Variants in RPS6KA5 observed in about 807,000 individuals in gnomAD.
RPS6KA5 encodes the protein ribosomal protein S6 kinase A5.
Under a neutral mutation model 85.5 loss-of-function variants are expected in RPS6KA5, and 27 were observed. The ratio of observed to expected loss-of-function variants is 0.32; its 90% CI spans 0.23 to 0.44. The LOEUF (loss-of-function observed/expected upper bound fraction) is 0.44. Among genes scored for constraint, RPS6KA5 ranks in the 20% least tolerant of loss-of-function variants. The pLI, the probability that RPS6KA5 is intolerant of heterozygous loss-of-function variation, is 1.00. For synonymous variants in RPS6KA5, 334 were observed against 348.2 expected, an observed-to-expected ratio of 0.96 and a Z score of 0.46; for missense variants, 811 against 980.9, an observed-to-expected ratio of 0.83 and a Z score of 2.31.
At chr14:90,949,903 T>C (rs1392774598) in intron 3 of RPS6KA5, among the ~76,000 whole-genome samples, 2 of 152,242 alleles carry the variant, frequency 1.3e-5, no homozygotes, top group South Asian at 2.1e-4. Flanking sequence ...TTGGGATGGA[T>C]TGACTTGACA....
At chr14:90,889,417 A>C (rs372751697) in intron 14 of RPS6KA5, among the ~76,000 whole-genome samples, 1 of 152,136 alleles carries the variant, frequency 6.6e-6, no homozygotes, top group African/African-American at 2.4e-5. Context: ...TCACAATGGG[A>C]TATCATTTCA....
chr14:90,915,831 A>AAAT, intron 7 of RPS6KA5, among the ~76,000 whole-genome samples: 1 of 151,568 alleles, frequency 6.6e-6, no homozygotes, highest in African/African-American at 2.4e-5. Flanking sequence ...ATAAATAAAT[A>AAAT]AAATAAATTT....
At chr14:91,060,071 G>A (rs2043579012) in intron 1 of RPS6KA5, 2 of 985,304 alleles carry the variant, frequency 2.0e-6, no homozygotes, top group African/African-American at 1.7e-5. Context: ...CACGGGCAGC[G>A]GTCGGCGGCT....
intron 5 of RPS6KA5, among the ~76,000 whole-genome samples, chr14:90,925,632 T>C (rs1367986323): frequency 1.3e-5 from 2 of 151,988 alleles, no homozygotes; most frequent in Non-Finnish European, 2.9e-5. Context: ...ATAAGTGAAC[T>C]AGACTCCACA....
chr14:91,057,483 A>C (rs534383536), intron 1 of RPS6KA5, among the ~76,000 whole-genome samples: 1 of 152,008 alleles, frequency 6.6e-6, no homozygotes, highest in East Asian at 1.9e-4. Context: ...CTTACAGTCT[A>C]ATCTGTATTA....
chr14:90,930,135 G>C (rs150528120), intron 5 of RPS6KA5, among the ~76,000 whole-genome samples: 50 of 152,292 alleles, frequency 3.3e-4, no homozygotes, highest in African/African-American at 1.1e-3. Flanking sequence ...GCTTCCCAAA[G>C]TGCTGAGATT....
chr14:91,005,014 CACCCTGAAAAGTTTCTGTTCCATT>C (rs1441943249), intron 1 of RPS6KA5, among the ~76,000 whole-genome samples: 2 of 151,932 alleles, frequency 1.3e-5, no homozygotes, highest in Admixed American at 6.6e-5. Flanking sequence ...ACAGTTCCAT[CACCCTGAAAAGTTTCTGTTCCATT>C]ACCCTGAAAA....
At chr14:90,910,218 T>G (rs2035730191) in intron 7 of RPS6KA5, among the ~76,000 whole-genome samples, 2 of 152,164 alleles carry the variant, frequency 1.3e-5, no homozygotes, top group African/African-American at 4.8e-5. Context: ...CCAAATGGAT[T>G]GAGGAACGGC....
intron 14 of RPS6KA5, among the ~76,000 whole-genome samples, chr14:90,879,265 G>A (rs1230119827): frequency 2.7e-5 from 4 of 145,470 alleles, no homozygotes; most frequent in South Asian, 2.2e-4. Flanking sequence ...AGTAAATAAC[G>A]TGCTTACACA....
At chr14:90,962,582 C>T (rs549173667) in intron 3 of RPS6KA5, among the ~76,000 whole-genome samples, 7 of 150,332 alleles carry the variant, frequency 4.7e-5, no homozygotes, top group Admixed American at 1.3e-4. Context: ...CCACCATGCC[C>T]GGCCTAGATT....
intron 8 of RPS6KA5, among the ~76,000 whole-genome samples, chr14:90,904,502 C>T (rs893466518): frequency 1.1e-4 from 17 of 152,202 alleles, no homozygotes; most frequent in African/African-American, 2.4e-5. Context: ...GATTTGAACA[C>T]AGTCTCTTGA....
intron 1 of RPS6KA5, among the ~76,000 whole-genome samples, chr14:91,011,240 C>T (rs1198338821): frequency 6.6e-6 from 1 of 152,126 alleles, no homozygotes; most frequent in Non-Finnish European, 1.5e-5. Context: ...GTAATCCAAG[C>T]ACTTTGGGAG....
chr14:90,944,755 CAA>C (rs201528093), intron 4 of RPS6KA5, among the ~76,000 whole-genome samples: 5 of 120,204 alleles, frequency 4.2e-5, no homozygotes, highest in African/African-American at 3.1e-5. Flanking sequence ...AACTCCATCT[CAA>C]AAAAAAAAAA....
chr14:90,992,197 C>T (rs2040338848), intron 2 of RPS6KA5, among the ~76,000 whole-genome samples: 1 of 152,124 alleles, frequency 6.6e-6, no homozygotes, highest in African/African-American at 2.4e-5. Context: ...CTTCCACCTA[C>T]TCCATTTAGT....
At chr14:91,040,165 G>C (rs1201073656) in intron 1 of RPS6KA5, among the ~76,000 whole-genome samples, 1 of 152,236 alleles carries the variant, frequency 6.6e-6, no homozygotes, top group Non-Finnish European at 1.5e-5. Context: ...CCAACACTTT[G>C]GGAGGCTGAG....
intron 2 of RPS6KA5, among the ~76,000 whole-genome samples, chr14:90,982,800 G>A (rs544869362): frequency 6.6e-6 from 1 of 152,062 alleles, no homozygotes; most frequent in East Asian, 1.9e-4. Context: ...CCAACATGGT[G>A]AAACCCCGTC....
rs75599733 is a variant in RPS6KA5 at position 90,912,362 on chromosome 14, A to G, written c.807-6063T>C. Among the ~76,000 whole-genome samples, 798 of 152,322 alleles carry G rather than the reference A, an allele frequency of 5.2e-3. 5 individuals carry two copies. The highest frequency in any genetic ancestry group is 7.8e-3 in the Non-Finnish European group (529 of 68,032). On this transcript the variant is annotated intron_variant, in intron 7 of 16. Transcript: ENST00000614987. ...ATAAGCACCTGCCAGACTTGGAAAGAAAACAGCAGCATGGAAACAAGTGAT... is the reference window on the plus strand; with the variant it reads ...ATAAGCACCTGCCAGACTTGGAAAGGAAACAGCAGCATGGAAACAAGTGAT...
chr14:90,918,834 C>A (rs777656314), intron 7 of RPS6KA5, among the ~76,000 whole-genome samples: 2 of 152,154 alleles, frequency 1.3e-5, no homozygotes, highest in Non-Finnish European at 2.9e-5. Flanking sequence ...TTTGTCTATC[C>A]TGACACCAAT....
chr14:90,936,447 C>G (rs1322583490), intron 5 of RPS6KA5, among the ~76,000 whole-genome samples: 1 of 151,984 alleles, frequency 6.6e-6, no homozygotes, highest in Non-Finnish European at 1.5e-5. Context: ...GCCTGGAGTC[C>G]CAGCTACTTG....
Sources: allele counts gnomAD v4.1 joint callset (sites outside exome capture counted in the v4.1 genomes callset), GRCh38; gene constraint gnomAD v4.1.1; transcripts MANE v1.5; gene names NCBI Gene and HGNC (gene_info 2026-07-23, HGNC 2026-07-21).